CCDC157: variants seen among roughly 807,000 people sequenced by gnomAD.
CCDC157 encodes the protein coiled-coil domain-containing protein 157.
Under a neutral mutation model 70.9 loss-of-function variants are expected in CCDC157, and 60 were observed. The observed-to-expected ratio is 0.85, with a 90% CI of 0.69 to 1.05. The LOEUF is 1.05. CCDC157 is among the 50% of genes least tolerant of loss of function. CCDC157 has a pLI of 0.00. For synonymous variants in CCDC157, 373 were observed against 422.4 expected, an observed-to-expected ratio of 0.88 and a Z score of 1.43; for missense variants, 943 against 984.2, an observed-to-expected ratio of 0.96 and a Z score of 0.56.
At chr22:30,374,858 C>T in intron 9 of CCDC157, 5 of 418,906 alleles carry the variant, frequency 1.2e-5, no homozygotes, top group South Asian at 8.8e-5. Flanking sequence ...CTTGAGCTGG[C>T]CGTGTGACCT....
At chr22:30,369,761 A>T in intron 4 of CCDC157, 158 bp downstream of exon 4, 2 of 570,122 alleles carry the variant, frequency 3.5e-6, no homozygotes, top group Non-Finnish European at 5.7e-6. Flanking sequence ...AGCCCCACAC[A>T]GTGTGGCGGT....
rs535842421 is a variant in CCDC157, at chr22:30,377,092, C to T, written c.*347C>T. 8.8e-6 allele frequency: 3 copies of T among 340,510 alleles called. No individual in the cohort carries two copies. Among genetic ancestry groups the T allele is most frequent in the Admixed American group, 4.1e-5 (1 of 24,440 alleles). 21.1% of individuals were successfully genotyped at this position (340,510 alleles called of 1,614,324 possible). A position where few individuals can be genotyped will look rare whatever the true frequency, so the allele number is the denominator to read the frequency against. On this transcript the variant is annotated 3_prime_UTR_variant, in exon 12 of 12. Transcript: ENST00000338306. ...CCCAGAGCAAGGGTCGAGGGGTGAA[C>T]CTTGGCTCAGTGGCCCGCACTGACT...
chr22:30,376,115 T>C, intron 10 of CCDC157, 144 bp from the exon 11 acceptor site: 1 of 693,134 alleles, frequency 1.4e-6, no homozygotes, highest in Non-Finnish European at 2.5e-6. Context: ...CTGGAAGGCT[T>C]CCTAGGCCCT....
At chr22:30,370,265 C>T (rs1932875733) in intron 4 of CCDC157, 61 bp from the exon 5 acceptor site, 39 of 1,557,174 alleles carry the variant, frequency 2.5e-5, no homozygotes, top group Non-Finnish European at 3.2e-5. Context: ...CCCAGGGAAC[C>T]AGTCACCTCC....
intron 7 of CCDC157, chr22:30,372,788 G>A (rs5753103): frequency 0.58 from 90,023 of 154,832 alleles, 27,749 homozygotes; most frequent in South Asian, 0.78. Context: ...TAGGTGACCT[G>A]TTGCCTAGTG....
intron 3 of CCDC157, among the ~76,000 whole-genome samples, chr22:30,368,159 A>G (rs989276851): frequency 6.6e-6 from 1 of 152,230 alleles, no homozygotes; most frequent in African/African-American, 2.4e-5. Context: ...GGGACAGAGA[A>G]GCCAGGGTTA....
In CCDC157 at chr22:30,366,100, C is replaced by G. The variant is rs1361264621; in HGVS notation, c.100C>G (p.Pro34Ala). 5 of 1,612,664 alleles carry G rather than the reference C, an allele frequency of 3.1e-6. No individual in the cohort carries two copies. In the South Asian group the frequency reaches 4.4e-5, roughly 14 times the overall value. Residue 34 changes from proline to alanine, a missense_variant, in exon 3 of 12, where the codon CCT becomes GCT. Transcript: ENST00000338306. ...AIVDVFSRAG[P>A]VRFPSWKFPD... ...CGTAGACGTCTTCTCCCGCGCCGGG[C>G]CTGTGCGCTTCCCCTCCTGGAAGTT...
chr22:30,366,344 T>C lies in CCDC157; in HGVS notation c.248+96T>C. On this transcript the variant is annotated intron_variant, in intron 3 of 11. Transcript: ENST00000338306. ...GAAGCCCCTCCAGAGGCAGGGGTGA[T>C]GTTGGAACAACAGTCACCATTGAGT... 5 of 1,498,802 alleles carry C rather than the reference T, an allele frequency of 3.3e-6. No homozygotes were observed. In the South Asian group the frequency reaches 3.6e-5, roughly 11 times the overall value. 92.8% of individuals were successfully genotyped at this position (1,498,802 alleles called of 1,614,324 possible). A position where few individuals can be genotyped will look rare whatever the true frequency, so the allele number is the denominator to read the frequency against.
At chr22:30,362,540 A>G (rs1250946215) in intron 2 of CCDC157, among the ~76,000 whole-genome samples, 1 of 152,114 alleles carries the variant, frequency 6.6e-6, no homozygotes, top group Non-Finnish European at 1.5e-5. Flanking sequence ...GTCCAGTCTT[A>G]GTGCTGTAGA....
chr22:30,376,230 T>A, intron 10 of CCDC157, 29 bp from the exon 11 acceptor site: 2 of 1,586,186 alleles, frequency 1.3e-6, no homozygotes, highest in Non-Finnish European at 1.7e-6. Flanking sequence ...TGGGCCCTTA[T>A]AAGACTGGCT....
chr22:30,364,674 G>A (rs1299159368), intron 2 of CCDC157, among the ~76,000 whole-genome samples: 3 of 151,458 alleles, frequency 2.0e-5, no homozygotes, highest in Admixed American at 6.6e-5. Flanking sequence ...GTGGTGGCGG[G>A]CACCTGTAAT....
intron 11 of CCDC157, 41 bp from the exon 12 acceptor site, chr22:30,376,392 C>G (rs749295140): frequency 6.2e-7 from 1 of 1,613,548 alleles, no homozygotes; most frequent in South Asian, 1.1e-5. Flanking sequence ...GTGGAGTGTT[C>G]CCTGCATTCA....
At chr22:30,360,480 G>C (rs1932256064) in intron 1 of CCDC157, among the ~76,000 whole-genome samples, 1 of 151,186 alleles carries the variant, frequency 6.6e-6, no homozygotes, top group South Asian at 2.1e-4. Flanking sequence ...CCTCCAGCCT[G>C]AGCGACAGAG....
At chr22:30,369,768 C>G in intron 4 of CCDC157, 165 bp downstream of exon 4, 3 of 550,452 alleles carry the variant, frequency 5.5e-6, no homozygotes, top group Non-Finnish European at 9.0e-6. Context: ...CACAGTGTGG[C>G]GGTTAAGAAC....
intron 5 of CCDC157, 93 bp from the exon 6 acceptor site, chr22:30,371,556 TG>T (rs1157130940): frequency 4.7e-6 from 5 of 1,063,446 alleles, no homozygotes; most frequent in Non-Finnish European, 7.3e-6. Flanking sequence ...CTGCAGGCGA[TG>T]GGCTGCCTCC....
intron 1 of CCDC157, among the ~76,000 whole-genome samples, 181 bp downstream of exon 1, chr22:30,357,313 C>T (rs1221255484): frequency 3.3e-5 from 5 of 152,170 alleles, no homozygotes; most frequent in Non-Finnish European, 7.3e-5. Context: ...GCCCCACTTC[C>T]CTACTCCCTT....
intron 1 of CCDC157, among the ~76,000 whole-genome samples, chr22:30,359,815 G>T (rs1932203832): frequency 6.6e-6 from 1 of 152,198 alleles, no homozygotes; most frequent in Non-Finnish European, 1.5e-5. Context: ...TTTTTAATGT[G>T]TAGGGGAGAA....
chr22:30,376,696 G>T lies in CCDC157; in HGVS notation c.2210G>T (p.Gly737Val), dbSNP rs147031431. ...LVRLRKRLSP[G>V]RGQASSAHQP... ...AGGCTGAGAAAGAGACTGTCACCTG[G>T]CCGGGGACAGGCCAGCTCTGCACAC... Residue 737 changes from glycine to valine, a missense_variant, in exon 12 of 12, where the codon GGC becomes GTC. Physicochemically the swap from Gly to Val is moderately radical, Grantham distance 109. Transcript: ENST00000338306. 3.1e-6 allele frequency: 5 copies of T among 1,613,246 alleles called. No homozygotes were observed. The African/African-American group carries it at 6.7e-5, about 22-fold the overall frequency.
chr22:30,365,944 CA>C, intron 2 of CCDC157, 45 bp from the exon 3 acceptor site: 1 of 1,514,150 alleles, frequency 6.6e-7, no homozygotes, highest in Admixed American at 2.0e-5. Flanking sequence ...CCTCCTGCAG[CA>C]GCCACGTGGC....
Sources: gnomAD v4.1 joint callset for allele counts (sites outside exome capture counted in the v4.1 genomes callset) on GRCh38, gnomAD v4.1.1 for gene constraint, MANE v1.5 for transcripts, NCBI Gene and HGNC (gene_info 2026-07-23, HGNC 2026-07-21) for gene names.